The following ADAMTS2 variants were observed in gnomAD, a reference collection of about 807,000 sequenced individuals.
ADAMTS2 encodes the protein ADAM metallopeptidase with thrombospondin type 1 motif 2.
In ADAMTS2, 50 loss-of-function variants were observed where a neutral mutation model predicts 123.0. That is an observed-to-expected ratio of 0.41 (90% CI 0.32 to 0.51). ADAMTS2 has a LOEUF of 0.51. Among genes scored for constraint, ADAMTS2 ranks in the 20% least tolerant of loss-of-function variants. The pLI, the probability that ADAMTS2 is intolerant of heterozygous loss-of-function variation, is 0.35. For synonymous variants in ADAMTS2, 678 were observed against 695.4 expected, an observed-to-expected ratio of 0.98 and a Z score of 0.39; for missense variants, 1,494 against 1,705.2, an observed-to-expected ratio of 0.88 and a Z score of 2.18.
intron 2 of ADAMTS2, among the ~76,000 whole-genome samples, chr5:179,334,399 C>T (rs965780609): frequency 2.0e-5 from 3 of 152,140 alleles, no homozygotes; most frequent in Non-Finnish European, 4.4e-5. Context: ...GAGAAGGGAG[C>T]GTTAAGAGTT....
At chr5:179,273,176 A>T (rs1029602339) in intron 2 of ADAMTS2, 112 bp from the exon 3 acceptor site, 50 of 1,502,990 alleles carry the variant, frequency 3.3e-5, no homozygotes, top group Non-Finnish European at 4.4e-5. Flanking sequence ...CCTGCCCAGC[A>T]CCCCAGCTGG....
At position 179,262,378 on chromosome 5, in the gene ADAMTS2, A is replaced by G. The variant is rs1766253184; in HGVS notation, c.688+10533T>C. 6.6e-6 allele frequency among the ~76,000 whole-genome samples: 1 copy of G among 151,620 alleles called. No individual in the cohort carries two copies. Among genetic ancestry groups the G allele is most frequent in the African/African-American group, 2.4e-5 (1 of 41,228 alleles). Reference sequence around the variant, plus strand: ...CCCACTGCCTCCACCGCCATCTGTCACCGGGACTCCTCCCTGCTTCCACAC... The same window carrying G: ...CCCACTGCCTCCACCGCCATCTGTCGCCGGGACTCCTCCCTGCTTCCACAC... On this transcript the variant is annotated intron_variant, in intron 3 of 21. Transcript: ENST00000251582. This position sits in a 1 kb window ranked among gnomAD's most constrained non-coding sequence, Gnocchi z 5.9.
chr5:179,319,053 C>G (rs1012959057), intron 2 of ADAMTS2, among the ~76,000 whole-genome samples: 18 of 152,232 alleles, frequency 1.2e-4, no homozygotes, highest in Non-Finnish European at 7.4e-5. Flanking sequence ...ATTCCCTCAA[C>G]ACACAGGCCC....
intron 8 of ADAMTS2, 38 bp from the exon 9 acceptor site, chr5:179,153,661 G>A (rs376520620): frequency 2.8e-5 from 44 of 1,581,230 alleles, no homozygotes; most frequent in African/African-American, 2.7e-4. Flanking sequence ...AGCCTTCAGC[G>A]CGGCTGACCA....
In ADAMTS2 at chr5:179,242,720, G is replaced by C. The variant is rs544091949; in HGVS notation, c.688+30191C>G. On this transcript the variant is annotated intron_variant, in intron 3 of 21. Coordinates refer to ENST00000251582, the MANE Select transcript of ADAMTS2 (RefSeq NM_014244.5). The surrounding 1 kb of genome is among the most constrained non-coding windows in gnomAD (Gnocchi z 4.2). ...TCAGCTTATGGGGAGTTCCACTCTG[G>C]GGGTGTGTGGCCAAGAACACAGGGC... Among the ~76,000 whole-genome samples, 16 of 152,242 alleles carry C rather than the reference G, an allele frequency of 1.1e-4. No homozygotes were observed. The South Asian group carries it at 2.9e-3, about 28-fold the overall frequency.
At chr5:179,311,685 A>C (rs747798240) in intron 2 of ADAMTS2, among the ~76,000 whole-genome samples, 15 of 152,026 alleles carry the variant, frequency 9.9e-5, no homozygotes, top group Non-Finnish European at 2.1e-4. Flanking sequence ...TTCAGCTAGA[A>C]TCATGTTAGG....
intron 10 of ADAMTS2, among the ~76,000 whole-genome samples, chr5:179,141,233 C>CCA (rs1312900376): frequency 2.0e-5 from 3 of 152,194 alleles, no homozygotes; most frequent in African/African-American, 7.2e-5. Context: ...AACCATTCCT[C>CCA]AGCAAATTCT....
intron 4 of ADAMTS2, among the ~76,000 whole-genome samples, chr5:179,206,506 G>A (rs558809087): frequency 1.3e-5 from 2 of 152,206 alleles, no homozygotes; most frequent in Admixed American, 6.5e-5. Context: ...CCACCTGCCC[G>A]GCTTCCACAC....
rs1378808779 is a variant in ADAMTS2, at chr5:179,189,448, T to C, written c.892-8293A>G. On this transcript the variant is annotated intron_variant, in intron 4 of 21. Transcript: ENST00000251582. This position sits in a 1 kb window ranked among gnomAD's most constrained non-coding sequence, Gnocchi z 4.2. ...CTGCCAGCTCCACCTCCCAGGTTCATGCCATTCTCTTGCCTCAGCCTCCCG... is the reference window on the plus strand; with the variant it reads ...CTGCCAGCTCCACCTCCCAGGTTCACGCCATTCTCTTGCCTCAGCCTCCCG... Among the ~76,000 whole-genome samples, 14 of 148,722 alleles carry C rather than the reference T, an allele frequency of 9.4e-5. No individual in the cohort carries two copies. The highest frequency in any genetic ancestry group is 3.5e-3 in the Middle Eastern group (1 of 286).
chr5:179,320,892 C>T (rs1757149393), intron 2 of ADAMTS2, among the ~76,000 whole-genome samples: 1 of 152,170 alleles, frequency 6.6e-6, no homozygotes, highest in Non-Finnish European at 1.5e-5. Flanking sequence ...TGCCTGCATC[C>T]ATTTTTCTGC....
rs1468402724 is a variant in ADAMTS2 at position 179,343,949 on chromosome 5, G to C, written c.352C>G (p.Arg118Gly). The C allele has an allele frequency of 1.2e-6, 2 of 1,611,536 alleles. No homozygotes were observed. The highest frequency in any genetic ancestry group is 1.7e-6 in the Non-Finnish European group (2 of 1,179,596). Reference protein sequence around the residue: ...HLFYNVTVFGRDLHLRLRPNA... With the variant: ...HLFYNVTVFGGDLHLRLRPNA... ...GGCCGCAGCCGCAGGTGCAGGTCTCGGCCAAAGACCGTGACATTGTAGAAG... is the reference window on the plus strand; with the variant it reads ...GGCCGCAGCCGCAGGTGCAGGTCTCCGCCAAAGACCGTGACATTGTAGAAG... The change falls in exon 2 of 22, where the codon CGA (arginine) becomes GGA (glycine). Residue 118 changes from arginine to glycine, a missense_variant. Transcript: ENST00000251582.
chr5:179,195,632 C>T (rs1000152747), intron 4 of ADAMTS2, among the ~76,000 whole-genome samples: 5 of 152,368 alleles, frequency 3.3e-5, no homozygotes, highest in Admixed American at 3.3e-4. Context: ...CGAGTCCCCA[C>T]CACTCCCAAC....
At chr5:179,131,446 G>A (rs989459466) in intron 15 of ADAMTS2, among the ~76,000 whole-genome samples, 4 of 152,092 alleles carry the variant, frequency 2.6e-5, no homozygotes, top group African/African-American at 7.2e-5. Flanking sequence ...GTCAGGCAGC[G>A]TGGGTGCTGG....
At chr5:179,257,885 A>C (rs1050556954) in intron 3 of ADAMTS2, among the ~76,000 whole-genome samples, 4 of 152,142 alleles carry the variant, frequency 2.6e-5, no homozygotes, top group Non-Finnish European at 5.9e-5. Context: ...AGCTGCCAAC[A>C]GTTTAAAATG....
At chr5:179,266,897 C>T (rs1766385350) in intron 3 of ADAMTS2, among the ~76,000 whole-genome samples, 1 of 152,232 alleles carries the variant, frequency 6.6e-6, no homozygotes, top group African/African-American at 2.4e-5. Context: ...GAGCTCCTCT[C>T]TCTCTCCTGT....
At chr5:179,220,218 T>G (rs6873892) in intron 3 of ADAMTS2, among the ~76,000 whole-genome samples, 20,244 of 152,044 alleles carry the variant, frequency 0.13, 1,427 homozygotes, top group South Asian at 0.21. Context: ...AAAACGAAGA[T>G]CCCCACGGGT....
At chr5:179,321,710 C>T (rs917588686) in intron 2 of ADAMTS2, among the ~76,000 whole-genome samples, 2 of 150,794 alleles carry the variant, frequency 1.3e-5, no homozygotes, top group East Asian at 2.0e-4. Flanking sequence ...AGACCTTGCC[C>T]CTGCACCTAG....
chr5:179,139,154 T>C (rs1763117248), intron 11 of ADAMTS2, among the ~76,000 whole-genome samples: 1 of 151,568 alleles, frequency 6.6e-6, no homozygotes, highest in African/African-American at 2.4e-5. Flanking sequence ...GTAACGCTGA[T>C]GTTTGTGGAG....
chr5:179,238,345 C>G (rs554983486), intron 3 of ADAMTS2, among the ~76,000 whole-genome samples: 29 of 152,270 alleles, frequency 1.9e-4, no homozygotes, highest in African/African-American at 7.0e-4. Flanking sequence ...TCCTGGGAGA[C>G]CGTGGGAGTC....
Sources: allele counts gnomAD v4.1 joint callset (sites outside exome capture counted in the v4.1 genomes callset), GRCh38; gene constraint gnomAD v4.1.1; non-coding constraint Gnocchi (gnomAD v3.1); transcripts MANE v1.5; gene names NCBI Gene and HGNC (gene_info 2026-07-23, HGNC 2026-07-21).